The following ZNF600 variants were observed in gnomAD, a reference collection of about 807,000 sequenced individuals.
The protein encoded by ZNF600 is zinc finger protein 600.
A neutral mutation model predicts 7.3 loss-of-function variants in ZNF600; 4 were observed. The ratio of observed to expected loss-of-function variants is 0.55; its 90% CI spans 0.27 to 1.25. The LOEUF is 1.25. Among genes scored for constraint, ZNF600 ranks in the 50% most tolerant of loss-of-function variants. The probability of loss-of-function intolerance (pLI) is 0.12; values close to 1 mark genes in which losing one functional copy is unlikely to be tolerated. For missense variants in ZNF600, 911 were observed against 922.1 expected, an observed-to-expected ratio of 0.99 and a Z score of 0.16; for synonymous variants, 290 against 308.9, an observed-to-expected ratio of 0.94 and a Z score of 0.64.
exon 4 of ZNF600, chr19:52,765,521 A>C (rs2062561589): frequency 6.2e-7 from 1 of 1,608,982 alleles, no homozygotes; most frequent in African/African-American, 1.3e-5. Flanking sequence ...ATCTTTATTC[A>C]TTATAGATTC....
the ZNF600 span, chr19:52,800,249 A>G: frequency 1.2e-6 from 2 of 1,612,900 alleles, no homozygotes; most frequent in Admixed American, 1.7e-5. Flanking sequence ...CTTTTGTACT[A>G]AAAACCTTGC....
the ZNF600 span, chr19:52,800,917 G>C: frequency 6.2e-7 from 1 of 1,613,844 alleles, no homozygotes; most frequent in African/African-American, 1.3e-5. Flanking sequence ...TGTGATTTGC[G>C]ACTGAAAACT....
chr19:52,819,449 A>G, the ZNF600 span, among the ~76,000 whole-genome samples: 37 of 123,874 alleles, frequency 3.0e-4, 1 homozygote, highest in Admixed American at 1.2e-3. Flanking sequence ...TTCTAATTAC[A>G]ACTGGGCACT....
chr19:52,831,828 C>T, the ZNF600 span, among the ~76,000 whole-genome samples: 1 of 151,726 alleles, frequency 6.6e-6, no homozygotes, highest in African/African-American at 2.4e-5. Flanking sequence ...TTAGTAGATA[C>T]AGGGTTTCCC....
At chr19:52,815,040 CAT>C in the ZNF600 span, among the ~76,000 whole-genome samples, 5 of 143,718 alleles carry the variant, frequency 3.5e-5, no homozygotes, top group African/African-American at 1.1e-4. Context: ...TCAAAGTATA[CAT>C]GTGTGTATAT....
exon 4 of ZNF600, chr19:52,766,528 C>T: frequency 6.2e-7 from 1 of 1,614,034 alleles, no homozygotes; most frequent in Non-Finnish European, 8.5e-7. Context: ...GGTTTTCCTC[C>T]ACTATGAATT....
chr19:52,771,805 G>A (rs977550696), intron 3 of ZNF600, among the ~76,000 whole-genome samples: 7 of 152,098 alleles, frequency 4.6e-5, no homozygotes, highest in African/African-American at 1.7e-4. Context: ...TAGATTCAAG[G>A]TTTCATTATG....
exon 4 of ZNF600, chr19:52,766,916 G>C: frequency 6.2e-7 from 1 of 1,614,022 alleles, no homozygotes; most frequent in South Asian, 1.1e-5. Context: ...TAAAAGCTTT[G>C]TCACATTCAT....
the ZNF600 span, among the ~76,000 whole-genome samples, chr19:52,818,186 C>T: frequency 8.5e-5 from 13 of 152,324 alleles, no homozygotes; most frequent in South Asian, 2.7e-3. Flanking sequence ...GGAAAACTCC[C>T]ACTCTACTCC....
chr19:52,811,700 C>T, the ZNF600 span, among the ~76,000 whole-genome samples: 1 of 149,006 alleles, frequency 6.7e-6, no homozygotes, highest in Non-Finnish European at 1.5e-5. Context: ...GTCCGGCAAC[C>T]ACCCCGTCTG....
the ZNF600 span, chr19:52,809,864 G>A: frequency 3.6e-5 from 24 of 660,218 alleles, no homozygotes; most frequent in Admixed American, 6.1e-4. Context: ...GTAGCACTGG[G>A]CCTGCGGGCG....
At chr19:52,800,693 T>C in the ZNF600 span, 4 of 1,613,870 alleles carry the variant, frequency 2.5e-6, no homozygotes, top group African/African-American at 4.0e-5. Context: ...ATTCTTCACA[T>C]TCATAAGGTT....
At chr19:52,802,682 A>G in the ZNF600 span, among the ~76,000 whole-genome samples, 3 of 152,194 alleles carry the variant, frequency 2.0e-5, no homozygotes, top group African/African-American at 7.2e-5. Context: ...ATCTCAAAAA[A>G]AGGAAAATGT....
At chr19:52,779,654 G>A (rs2062704681) in intron 1 of ZNF600, among the ~76,000 whole-genome samples, 1 of 152,186 alleles carries the variant, frequency 6.6e-6, no homozygotes, top group South Asian at 2.1e-4. Context: ...GCTGGGAACT[G>A]CTTAGTGAGC....
the ZNF600 span, among the ~76,000 whole-genome samples, chr19:52,825,910 C>A: frequency 6.6e-6 from 1 of 152,194 alleles, no homozygotes; most frequent in East Asian, 1.9e-4. Flanking sequence ...ATCACTTGAA[C>A]CTGGAGGAAA....
At chr19:52,783,208 T>C (rs905789246) in intron 1 of ZNF600, among the ~76,000 whole-genome samples, 3 of 152,084 alleles carry the variant, frequency 2.0e-5, no homozygotes, top group Non-Finnish European at 2.9e-5. Flanking sequence ...ACTCTCATTC[T>C]CATCTGTATA....
At chr19:52,827,840 C>T in the ZNF600 span, among the ~76,000 whole-genome samples, 63 of 151,986 alleles carry the variant, frequency 4.1e-4, no homozygotes, top group Middle Eastern at 3.4e-3. Flanking sequence ...CCACCGCGCC[C>T]GGCCTAGAAG....
chr19:52,766,517 A>G (rs1464940071), exon 4 of ZNF600: 3 of 1,613,944 alleles, frequency 1.9e-6, no homozygotes, highest in Non-Finnish European at 2.5e-6. Flanking sequence ...TACACTTGTA[A>G]GGTTTTCCTC....
At chr19:52,810,039 C>T in the ZNF600 span, 2 of 737,788 alleles carry the variant, frequency 2.7e-6, no homozygotes, top group Non-Finnish European at 4.9e-6. Flanking sequence ...GGAGCCGCTC[C>T]AGCCCCGCGC....
Sources: gnomAD v4.1 joint callset for allele counts (sites outside exome capture counted in the v4.1 genomes callset) on GRCh38, gnomAD v4.1.1 for gene constraint, MANE v1.5 for transcripts, NCBI Gene and HGNC (gene_info 2026-07-23, HGNC 2026-07-21) for gene names.